The following GFRA1 variants were observed in gnomAD, a reference collection of about 807,000 sequenced individuals.
GFRA1 encodes the protein GDNF family receptor alpha 1.
Under a neutral mutation model 51.6 loss-of-function variants are expected in GFRA1, and 16 were observed. The ratio of observed to expected loss-of-function variants is 0.31; its 90% CI spans 0.21 to 0.47. The LOEUF (loss-of-function observed/expected upper bound fraction) is 0.47. GFRA1 is among the 20% of genes least tolerant of loss of function. GFRA1 has a pLI of 1.00. For missense variants in GFRA1, 530 were observed against 594.3 expected (o/e 0.89, Z 1.13); for synonymous variants, 270 against 241.3 (o/e 1.12, Z -1.10).
At chr10:116,262,852 C>G (rs1470515356) in intron 4 of GFRA1, among the ~76,000 whole-genome samples, 1 of 152,106 alleles carries the variant, frequency 6.6e-6, no homozygotes, top group Non-Finnish European at 1.5e-5. Context: ...ATGAGGGGTA[C>G]TGGAAAGATT....
At chr10:116,153,302 C>T (rs1432567952) in intron 5 of GFRA1, among the ~76,000 whole-genome samples, 1 of 152,196 alleles carries the variant, frequency 6.6e-6, no homozygotes, top group Non-Finnish European at 1.5e-5. Context: ...CCCAGGGTTA[C>T]CATTTCACCA....
intron 5 of GFRA1, among the ~76,000 whole-genome samples, chr10:116,139,616 C>A (rs918559253): frequency 3.9e-5 from 6 of 152,224 alleles, no homozygotes; most frequent in African/African-American, 1.2e-4. Flanking sequence ...AGCACAAGTG[C>A]CTGGGCTCAG....
At chr10:116,184,923 C>G (rs1226442091) in intron 5 of GFRA1, among the ~76,000 whole-genome samples, 1 of 152,134 alleles carries the variant, frequency 6.6e-6, no homozygotes, top group African/African-American at 2.4e-5. Context: ...TTTTTAGGCC[C>G]TCATGTAGCT....
chr10:116,233,912 C>T (rs1347769296), intron 4 of GFRA1, among the ~76,000 whole-genome samples: 1 of 152,192 alleles, frequency 6.6e-6, no homozygotes, highest in Non-Finnish European at 1.5e-5. Flanking sequence ...AAGACTCTGT[C>T]ATTTACTATA....
Position 116,107,299 on chromosome 10 carries a change from C to T in GFRA1, c.771-10535G>A, listed in dbSNP as rs1399595030. Among the ~76,000 whole-genome samples, 7 of 152,088 alleles carry T rather than the reference C, an allele frequency of 4.6e-5. No homozygotes were observed. The South Asian group carries it at 1.5e-3, about 32-fold the overall frequency. On this transcript the variant is annotated intron_variant, in intron 6 of 10. Transcript: ENST00000355422. Reference sequence around the variant, plus strand: ...GTCTTCTCTTCTTCTCTGGACCAGCCCAGGGGGTCCACACTGACCCTGAGA... The same window carrying T: ...GTCTTCTCTTCTTCTCTGGACCAGCTCAGGGGGTCCACACTGACCCTGAGA...
chr10:116,237,556 G>T (rs1966974783), intron 4 of GFRA1, among the ~76,000 whole-genome samples: 1 of 119,234 alleles, frequency 8.4e-6, no homozygotes, highest in Non-Finnish European at 1.7e-5. Context: ...ATAGATTAAT[G>T]AACCAATAAA....
At chr10:116,094,543 T>C (rs910300931) in intron 7 of GFRA1, among the ~76,000 whole-genome samples, 1 of 152,184 alleles carries the variant, frequency 6.6e-6, no homozygotes, top group Non-Finnish European at 1.5e-5. Context: ...AACACACAAA[T>C]TATTTATACT....
chr10:116,233,808 C>T (rs1381188961), intron 4 of GFRA1, among the ~76,000 whole-genome samples: 1 of 152,126 alleles, frequency 6.6e-6, no homozygotes, highest in Non-Finnish European at 1.5e-5. Flanking sequence ...CTTGATGTTT[C>T]CCCCCAATAC....
At chr10:116,225,406 G>A (rs995241804) in intron 4 of GFRA1, among the ~76,000 whole-genome samples, 9 of 151,266 alleles carry the variant, frequency 5.9e-5, no homozygotes, top group African/African-American at 9.7e-5. Context: ...GTGGTGGCAC[G>A]CACTTATAGT....
rs367847427 is a variant in GFRA1 at position 116,109,674 on chromosome 10, G to A, written c.771-12910C>T. On this transcript the variant is annotated intron_variant, in intron 6 of 10. Transcript: ENST00000355422. ...TCCCCGGGCCCACGGGGAGAAACCC[G>A]CATCCCCAAGCAGCCTTCCTTCACC... 2.5e-4 allele frequency among the ~76,000 whole-genome samples: 38 copies of A among 152,216 alleles called. No individual in the cohort carries two copies. In the East Asian group the frequency reaches 4.3e-3, roughly 17 times the overall value.
At chr10:116,177,194 G>A (rs1961708405) in intron 5 of GFRA1, among the ~76,000 whole-genome samples, 1 of 152,156 alleles carries the variant, frequency 6.6e-6, no homozygotes, top group African/African-American at 2.4e-5. Context: ...AGACAATGAG[G>A]AGTCATCCAG....
chr10:116,103,532 C>A (rs927980783), intron 6 of GFRA1, among the ~76,000 whole-genome samples: 8 of 152,190 alleles, frequency 5.3e-5, no homozygotes, highest in African/African-American at 1.9e-4. Context: ...CTCTCTGTTA[C>A]ATGAACTCAT....
At chr10:116,225,897 A>C (rs1160740740) in intron 4 of GFRA1, among the ~76,000 whole-genome samples, 1 of 152,182 alleles carries the variant, frequency 6.6e-6, no homozygotes, top group Non-Finnish European at 1.5e-5. Context: ...CTGAAATTAA[A>C]TATTATCATT....
chr10:116,189,070 C>T (rs1215276089), intron 5 of GFRA1, among the ~76,000 whole-genome samples: 2 of 130,298 alleles, frequency 1.5e-5, no homozygotes, highest in Non-Finnish European at 1.6e-5. Flanking sequence ...TCCTGGCCAA[C>T]ACAGGGAGAC....
At chr10:116,145,168 AAAAAG>A (rs1300181208) in intron 5 of GFRA1, among the ~76,000 whole-genome samples, 2 of 149,882 alleles carry the variant, frequency 1.3e-5, no homozygotes, top group Non-Finnish European at 3.0e-5. Context: ...AAAAAAAAAA[AAAAAG>A]ATTAAAAACT....
At chr10:116,244,519 T>TTAA (rs1423716459) in intron 4 of GFRA1, among the ~76,000 whole-genome samples, 1 of 148,372 alleles carries the variant, frequency 6.7e-6, no homozygotes, top group Admixed American at 6.7e-5. Flanking sequence ...TATAAAAATA[T>TTAA]ATAAAGTTCC....
chr10:116,250,689 T>C (rs902942401), intron 4 of GFRA1, among the ~76,000 whole-genome samples: 5 of 152,202 alleles, frequency 3.3e-5, no homozygotes, highest in Non-Finnish European at 7.3e-5. Context: ...CGCAGCCAGA[T>C]ACTTTTCTGG....
At chr10:116,158,592 C>T (rs141620525) in intron 5 of GFRA1, among the ~76,000 whole-genome samples, 11 of 152,280 alleles carry the variant, frequency 7.2e-5, no homozygotes, top group African/African-American at 2.4e-4. Flanking sequence ...CAGGAAGGGA[C>T]ACCATTATTC....
intron 5 of GFRA1, among the ~76,000 whole-genome samples, chr10:116,190,110 C>A (rs772501215): frequency 5.9e-5 from 9 of 152,270 alleles, no homozygotes; most frequent in Admixed American, 6.5e-5. Context: ...GCACTGGACA[C>A]AACAGCATTC....
Sources: allele counts gnomAD v4.1 joint callset (sites outside exome capture counted in the v4.1 genomes callset), GRCh38; gene constraint gnomAD v4.1.1; transcripts MANE v1.5; gene names NCBI Gene and HGNC (gene_info 2026-07-23, HGNC 2026-07-21).